Variants in EPB41L1 observed in about 807,000 individuals in gnomAD.
EPB41L1 encodes the protein band 4.1-like protein 1.
A neutral mutation model predicts 97.8 loss-of-function variants in EPB41L1; 29 were observed. The observed-to-expected ratio is 0.30, with a 90% CI of 0.22 to 0.40. EPB41L1 has a LOEUF of 0.40. EPB41L1 is among the 10% of genes least tolerant of loss of function. The pLI, the probability that EPB41L1 is intolerant of heterozygous loss-of-function variation, is 1.00. For missense variants in EPB41L1, 812 were observed against 1,162.3 expected, an observed-to-expected ratio of 0.70 and a Z score of 4.38; for synonymous variants, 383 against 459.2, an observed-to-expected ratio of 0.83 and a Z score of 2.12.
intron 15 of EPB41L1, among the ~76,000 whole-genome samples, chr20:36,211,495 C>T (rs182471726): frequency 2.3e-4 from 35 of 152,324 alleles, no homozygotes; most frequent in Non-Finnish European, 4.6e-4. Context: ...AACAAACCCT[C>T]TTCACTCATT....
At chr20:36,204,191 G>A (rs1446460183) in intron 14 of EPB41L1, among the ~76,000 whole-genome samples, 2 of 152,174 alleles carry the variant, frequency 1.3e-5, no homozygotes, top group African/African-American at 2.4e-5. Context: ...TCTGTATCAC[G>A]AGGGGCTCTA....
At chr20:36,219,063 G>A (rs764218792) in intron 18 of EPB41L1, 101 bp downstream of exon 18, 1 of 1,284,792 alleles carries the variant, frequency 7.8e-7, no homozygotes. Context: ...AGCCCAGAAG[G>A]CACCCTTCTA....
chr20:36,225,171 T>C (rs1330040342), intron 21 of EPB41L1, among the ~76,000 whole-genome samples: 1 of 152,242 alleles, frequency 6.6e-6, no homozygotes, highest in Non-Finnish European at 1.5e-5. Flanking sequence ...TCTATTTCTA[T>C]TGGACAGCAC....
At chr20:36,211,395 A>G (rs1289081271) in intron 15 of EPB41L1, among the ~76,000 whole-genome samples, 1 of 151,972 alleles carries the variant, frequency 6.6e-6, no homozygotes, top group African/African-American at 2.4e-5. Flanking sequence ...AACAAAACAA[A>G]AACAAAAACA....
chr20:36,103,463 C>T (rs1366283043), intron 1 of EPB41L1, among the ~76,000 whole-genome samples: 13 of 152,134 alleles, frequency 8.5e-5, no homozygotes, highest in Admixed American at 8.5e-4. Context: ...AAATTCCGAT[C>T]TTGATTCTGC....
intron 17 of EPB41L1, among the ~76,000 whole-genome samples, chr20:36,218,639 G>A (rs1024611161): frequency 2.0e-5 from 3 of 152,186 alleles, no homozygotes; most frequent in African/African-American, 4.8e-5. Context: ...TGTTCCTAAC[G>A]CCAGACAGTC....
intron 2 of EPB41L1, among the ~76,000 whole-genome samples, chr20:36,134,749 T>C (rs866488387): frequency 2.6e-5 from 4 of 152,080 alleles, no homozygotes; most frequent in Non-Finnish European, 2.9e-5. Context: ...AAAGGCTGCA[T>C]TGGTCTCAGG....
intron 12 of EPB41L1, among the ~76,000 whole-genome samples, 184 bp downstream of exon 12, chr20:36,194,544 G>A (rs1252318105): frequency 6.6e-6 from 1 of 152,158 alleles, no homozygotes; most frequent in Non-Finnish European, 1.5e-5. Context: ...GGATGGGGTG[G>A]GCATGGGAGT....
Position 36,190,168 on chromosome 20 carries a change from C to T in EPB41L1, c.1027-109C>T. 1.1e-6 allele frequency: 1 copy of T among 891,448 alleles called. No individual in the cohort carries two copies. The highest frequency in any genetic ancestry group is 1.4e-5 in the South Asian group (1 of 69,622). 55.2% of individuals were successfully genotyped at this position (891,448 alleles called of 1,614,324 possible). On this transcript the variant is annotated intron_variant, in intron 9 of 21. Transcript: ENST00000338074. The surrounding 1 kb of genome is among the most constrained non-coding windows in gnomAD (Gnocchi z 5.8). ...TCCACCCTGGGCAAATGATCGAGAC[C>T]CTGTGTCTCAAAAAAACATTAAACA...
At chr20:36,161,934 G>T (rs1263331383) in intron 1 of EPB41L1, among the ~76,000 whole-genome samples, 1 of 152,064 alleles carries the variant, frequency 6.6e-6, no homozygotes, top group Non-Finnish European at 1.5e-5. Flanking sequence ...CTAATTTGGG[G>T]GGGGCACAGG....
At chr20:36,219,877 C>A in intron 19 of EPB41L1, 33 bp downstream of exon 19, 3 of 1,584,684 alleles carry the variant, frequency 1.9e-6, no homozygotes, top group South Asian at 1.1e-5. Flanking sequence ...ATGCCCCCAG[C>A]CGAGCTGCAG....
At chr20:36,221,978 C>CT in intron 20 of EPB41L1, 34 bp downstream of exon 20, 1 of 1,602,590 alleles carries the variant, frequency 6.2e-7, no homozygotes. Flanking sequence ...CCCAGTGCCA[C>CT]TGCCCAGTCC....
chr20:36,128,803 C>T (rs1397964418), intron 2 of EPB41L1, among the ~76,000 whole-genome samples: 2 of 133,384 alleles, frequency 1.5e-5, no homozygotes, highest in South Asian at 2.7e-4. Flanking sequence ...GTGACCTAGC[C>T]TCTCTCCACC....
chr20:36,109,905 T>G (rs1350484124), intron 1 of EPB41L1: 1 of 152,090 alleles, frequency 6.6e-6, no homozygotes, highest in African/African-American at 2.4e-5. Context: ...TGGTTATTAT[T>G]AGTCTTCTAT....
intron 15 of EPB41L1, among the ~76,000 whole-genome samples, chr20:36,211,802 C>T (rs2063149930): frequency 6.6e-6 from 1 of 151,508 alleles, no homozygotes; most frequent in East Asian, 2.0e-4. Context: ...TACAGTGAGC[C>T]GAGATCGCAC....
chr20:36,219,828 C>T lies in EPB41L1; in HGVS notation c.2423C>T (p.Thr808Ile). ...GCGGAAACCCTCTCAACCTCCACCA[C>T]CACCCATGTCACCAAAGTGAGTAGC... The part of the protein sequence containing the change: ...ATAETLSTST[T>I]THVTKTVKGG... The change falls in exon 19 of 22, where the codon ACC (threonine) becomes ATC (isoleucine). Residue 808 changes from threonine to isoleucine, a missense_variant. Physicochemically the swap from Thr to Ile is moderately conservative, Grantham distance 89. Around this residue, in one of 3 missense-constraint regions of EPB41L1, gnomAD observed 498 missense variants for 622.7 expected, o/e 0.80. Coordinates refer to ENST00000338074, the MANE Select transcript of EPB41L1 (RefSeq NM_012156.2). 6.2e-7 allele frequency: 1 copy of T among 1,614,218 alleles called. No homozygotes were observed. The highest frequency in any genetic ancestry group is 8.5e-7 in the Non-Finnish European group (1 of 1,180,008).
rs753022207 is a variant in EPB41L1, at chr20:36,209,698, G to A, written c.1879G>A (p.Asp627Asn). 1 of 1,613,966 alleles carries A rather than the reference G, an allele frequency of 6.2e-7. No homozygotes were observed. Among genetic ancestry groups the A allele is most frequent in the African/African-American group, 1.3e-5 (1 of 74,916 alleles). ...TGAGGTGGACTTCACGGTCATTGGT[G>A]ACTACCATGGCAGCGCCTTCGAAGA... is the stretch of plus-strand genomic sequence containing the variant. Reference protein sequence around the residue: ...EAEVDFTVIGDYHGSAFEDFS... With the variant: ...EAEVDFTVIGNYHGSAFEDFS... Residue 627 changes from aspartate to asparagine, a missense_variant, in exon 15 of 22, where the codon GAC becomes AAC. This residue lies in a region of EPB41L1 where 498 missense variants were observed against 622.7 expected (regional missense o/e 0.80). Transcript: ENST00000338074. This position sits in a 1 kb window ranked among gnomAD's most constrained non-coding sequence, Gnocchi z 4.2.
chr20:36,116,058 C>T (rs1306670077), intron 2 of EPB41L1, among the ~76,000 whole-genome samples: 1 of 152,180 alleles, frequency 6.6e-6, no homozygotes, highest in Non-Finnish European at 1.5e-5. Flanking sequence ...TACTACAACC[C>T]AGTGCAGTCA....
chr20:36,110,316 AAG>A (rs1411948395), intron 1 of EPB41L1, among the ~76,000 whole-genome samples: 1 of 152,154 alleles, frequency 6.6e-6, no homozygotes, highest in Admixed American at 6.5e-5. Context: ...AAGAGGGAGA[AAG>A]AGAGAGAGAA....
Sources: allele counts gnomAD v4.1 joint callset (sites outside exome capture counted in the v4.1 genomes callset), GRCh38; gene constraint gnomAD v4.1.1; regional missense constraint gnomAD v4.1.1; non-coding constraint Gnocchi (gnomAD v3.1); transcripts MANE v1.5; gene names NCBI Gene and HGNC (gene_info 2026-07-23, HGNC 2026-07-21).